Variants in FBXO42 observed in about 807,000 individuals in gnomAD.
FBXO42 encodes the protein F-box only protein 42.
In FBXO42, 12 loss-of-function variants were observed where a neutral mutation model predicts 71.7. That is an observed-to-expected ratio of 0.17 (90% CI 0.11 to 0.27). The LOEUF (loss-of-function observed/expected upper bound fraction) is 0.27. Among genes scored for constraint, FBXO42 ranks in the 10% least tolerant of loss-of-function variants. The probability of loss-of-function intolerance (pLI) is 1.00; values close to 1 mark genes in which losing one functional copy is unlikely to be tolerated. For synonymous variants in FBXO42, 325 were observed against 327.5 expected, an observed-to-expected ratio of 0.99 and a Z score of 0.08; for missense variants, 707 against 911.9, an observed-to-expected ratio of 0.78 and a Z score of 2.89.
rs1182115382 is a variant in FBXO42, at chr1:16,270,692, A to G, written c.503-13933T>C. 3.8e-3 allele frequency among the ~76,000 whole-genome samples: 129 copies of G among 33,946 alleles called. 15 individuals carry two copies. Among genetic ancestry groups the G allele is most frequent in the South Asian group, 9.3e-3 (8 of 856 alleles). 22.3% of individuals were successfully genotyped at this position (33,946 alleles called of 152,430 possible). A position where few individuals can be genotyped will look rare whatever the true frequency, so the allele number is the denominator to read the frequency against. ...TGTCTCTCAAAAAAAAAAAAAAAAAAAAAAGAAAAGAAAAGAAAGAAGAAA... is the reference window on the plus strand; with the variant it reads ...TGTCTCTCAAAAAAAAAAAAAAAAAGAAAAGAAAAGAAAAGAAAGAAGAAA... On this transcript the variant is annotated intron_variant, in intron 4 of 9. Transcript: ENST00000375592.
At chr1:16,338,117 G>A (rs1396337876) in intron 1 of FBXO42, among the ~76,000 whole-genome samples, 3 of 151,336 alleles carry the variant, frequency 2.0e-5, no homozygotes, top group African/African-American at 7.3e-5. Flanking sequence ...AAATTAGCCA[G>A]GTGTGGTGGC....
intron 1 of FBXO42, among the ~76,000 whole-genome samples, chr1:16,348,748 C>T (rs937132573): frequency 6.6e-6 from 1 of 151,984 alleles, no homozygotes; most frequent in Non-Finnish European, 1.5e-5. Flanking sequence ...CTCACTTAAG[C>T]GGTCAGCTTC....
At chr1:16,345,377 C>A (rs938645236) in intron 1 of FBXO42, among the ~76,000 whole-genome samples, 1 of 151,512 alleles carries the variant, frequency 6.6e-6, no homozygotes, top group African/African-American at 2.4e-5. Flanking sequence ...GAGCTGAGAT[C>A]CTGCCACTGA....
chr1:16,323,744 C>T (rs371653101), intron 1 of FBXO42, among the ~76,000 whole-genome samples: 3 of 138,310 alleles, frequency 2.2e-5, no homozygotes, highest in African/African-American at 8.3e-5. Context: ...GAGCCGAGAT[C>T]GTACCACTGC....
chr1:16,275,953 A>G (rs1180438938), intron 4 of FBXO42, among the ~76,000 whole-genome samples: 4 of 151,472 alleles, frequency 2.6e-5, no homozygotes, highest in Non-Finnish European at 5.9e-5. Context: ...ACAGAGTGAG[A>G]CCCCGTCTCA....
chr1:16,315,998 C>A (rs1443407107), intron 1 of FBXO42, among the ~76,000 whole-genome samples: 2 of 151,802 alleles, frequency 1.3e-5, no homozygotes, highest in East Asian at 3.9e-4. Flanking sequence ...TGGAGAAACC[C>A]CGTCTCTACT....
intron 1 of FBXO42, among the ~76,000 whole-genome samples, chr1:16,316,128 C>G (rs567358791): frequency 5.5e-5 from 8 of 146,760 alleles, no homozygotes; most frequent in Non-Finnish European, 1.0e-4. Flanking sequence ...GAGATCATGC[C>G]ACTGCACTCC....
At chr1:16,342,148 G>A (rs1460433162) in intron 1 of FBXO42, among the ~76,000 whole-genome samples, 2 of 151,682 alleles carry the variant, frequency 1.3e-5, no homozygotes, top group Non-Finnish European at 1.5e-5. Flanking sequence ...TGTAATCCCA[G>A]CACTTTGGGA....
At chr1:16,279,651 T>A (rs1418828352) in intron 4 of FBXO42, among the ~76,000 whole-genome samples, 1 of 152,022 alleles carries the variant, frequency 6.6e-6, no homozygotes, top group Non-Finnish European at 1.5e-5. Context: ...TCCCCTAAAA[T>A]TCAATGGAAC....
chr1:16,323,146 C>G (rs1557601794), intron 1 of FBXO42, among the ~76,000 whole-genome samples: 1 of 152,208 alleles, frequency 6.6e-6, no homozygotes, highest in Non-Finnish European at 1.5e-5. Flanking sequence ...TGGCCAGGCA[C>G]AGTGGCTCAC....
intron 4 of FBXO42, among the ~76,000 whole-genome samples, chr1:16,275,632 G>A (rs922506218): frequency 6.6e-6 from 1 of 152,004 alleles, no homozygotes; most frequent in African/African-American, 2.4e-5. Context: ...CCCAAAAACA[G>A]AAAAGGAAGA....
chr1:16,325,689 C>G (rs965539942), intron 1 of FBXO42, among the ~76,000 whole-genome samples: 5 of 152,080 alleles, frequency 3.3e-5, no homozygotes, highest in African/African-American at 7.2e-5. Context: ...GAGAGTCTGG[C>G]TTTGTCACCT....
At chr1:16,344,019 CAG>C (rs1363552406) in intron 1 of FBXO42, among the ~76,000 whole-genome samples, 1 of 149,282 alleles carries the variant, frequency 6.7e-6, no homozygotes, top group Admixed American at 6.7e-5. Context: ...TTTTTTGAAA[CAG>C]AGTTTCACTC....
At chr1:16,311,527 T>TATATATAC (rs1388822394) in intron 2 of FBXO42, among the ~76,000 whole-genome samples, 3 of 138,596 alleles carry the variant, frequency 2.2e-5, no homozygotes, top group African/African-American at 5.5e-5. Flanking sequence ...TATATATATA[T>TATATATAC]ACATATGTAT....
chr1:16,333,259 T>A (rs1378886788), intron 1 of FBXO42, among the ~76,000 whole-genome samples: 1 of 152,150 alleles, frequency 6.6e-6, no homozygotes, highest in Non-Finnish European at 1.5e-5. Flanking sequence ...TAGAGATAGT[T>A]TCTACTTTTC....
chr1:16,271,258 G>GGGGTGTGT (rs1356399718), intron 4 of FBXO42, among the ~76,000 whole-genome samples: 1 of 137,426 alleles, frequency 7.3e-6, no homozygotes, highest in African/African-American at 2.7e-5. Flanking sequence ...TGTGTGTGTT[G>GGGGTGTGT]GTGTGTGTGT....
At chr1:16,343,855 T>A (rs565087568) in intron 1 of FBXO42, among the ~76,000 whole-genome samples, 1 of 151,260 alleles carries the variant, frequency 6.6e-6, no homozygotes, top group East Asian at 2.0e-4. Flanking sequence ...GGTGCCCACC[T>A]GTAGTTCTAG....
At position 16,325,653 on chromosome 1, in the gene FBXO42, T is replaced by C. The variant is rs537620342; in HGVS notation, c.-17-10218A>G. On this transcript the variant is annotated intron_variant, in intron 1 of 9. Coordinates refer to ENST00000375592, the MANE Select transcript of FBXO42 (RefSeq NM_018994.3). ...CCACAAACTACCCATCAATATACTTTCTTTTTTTTGTTGTTTTGTTTTTGA... is the reference window on the plus strand; with the variant it reads ...CCACAAACTACCCATCAATATACTTCCTTTTTTTTGTTGTTTTGTTTTTGA... 2.0e-5 allele frequency among the ~76,000 whole-genome samples: 3 copies of C among 151,942 alleles called. No individual in the cohort carries two copies. The East Asian group carries it at 5.8e-4, about 29-fold the overall frequency.
At chr1:16,281,721 A>G (rs1015875403) in intron 4 of FBXO42, among the ~76,000 whole-genome samples, 1 of 149,804 alleles carries the variant, frequency 6.7e-6, no homozygotes, top group Admixed American at 6.7e-5. Context: ...TGCAGTGGCA[A>G]TCTTGGCTCA....
Sources: gnomAD v4.1 joint callset for allele counts (sites outside exome capture counted in the v4.1 genomes callset) on GRCh38, gnomAD v4.1.1 for gene constraint, MANE v1.5 for transcripts, NCBI Gene and HGNC (gene_info 2026-07-23, HGNC 2026-07-21) for gene names.